The following APP variants were observed in gnomAD, a reference collection of about 807,000 sequenced individuals.
APP encodes amyloid beta precursor protein.
Under a neutral mutation model 101.4 loss-of-function variants are expected in APP, and 31 were observed. The ratio of observed to expected loss-of-function variants is 0.31; its 90% CI spans 0.23 to 0.41. The LOEUF is 0.41. Ranked by LOEUF, APP falls within the 10% of genes least tolerant of loss-of-function variation. APP has a pLI of 1.00. For synonymous variants in APP, 366 were observed against 364.4 expected (o/e 1.00, Z -0.05); for missense variants, 839 against 1,003.7 (o/e 0.84, Z 2.22).
At chr21:25,973,152 T>G (rs991907141) in intron 11 of APP, among the ~76,000 whole-genome samples, 1 of 147,450 alleles carries the variant, frequency 6.8e-6, no homozygotes, top group African/African-American at 2.5e-5. Context: ...CATAAAAAAT[T>G]TCTAATTAAT....
At chr21:26,148,997 G>C (rs1458255261) in intron 1 of APP, among the ~76,000 whole-genome samples, 1 of 152,160 alleles carries the variant, frequency 6.6e-6, no homozygotes, top group Non-Finnish European at 1.5e-5. Context: ...TTGGGATTGA[G>C]AAAAAGGGAA....
At chr21:26,112,392 A>C (rs2062348839) in intron 1 of APP, among the ~76,000 whole-genome samples, 1 of 152,210 alleles carries the variant, frequency 6.6e-6, no homozygotes. Flanking sequence ...AAAGGAATTT[A>C]TTCATGAAAA....
At chr21:25,986,716 CAAAT>C (rs1219800044) in intron 8 of APP, among the ~76,000 whole-genome samples, 1 of 151,906 alleles carries the variant, frequency 6.6e-6, no homozygotes, top group Non-Finnish European at 1.5e-5. Flanking sequence ...AACAAACAAA[CAAAT>C]AAATAAAGGC....
chr21:25,928,306 C>A (rs961083070), intron 13 of APP, among the ~76,000 whole-genome samples: 1 of 152,032 alleles, frequency 6.6e-6, no homozygotes, highest in African/African-American at 2.4e-5. Context: ...TGTGCCACTG[C>A]ACTCCAGCCT....
chr21:26,084,147 T>A (rs1272873278), intron 3 of APP, among the ~76,000 whole-genome samples: 1 of 151,128 alleles, frequency 6.6e-6, no homozygotes, highest in Non-Finnish European at 1.5e-5. Context: ...CCAATGCAAT[T>A]GAGGCAATTA....
chr21:26,053,578 T>A, intron 3 of APP: 1 of 432,152 alleles, frequency 2.3e-6, no homozygotes, highest in Non-Finnish European at 4.3e-6. Flanking sequence ...ATGCTGCAAG[T>A]GAAATTGTCC....
rs1406164284 is a variant in APP, at chr21:25,891,833, A to G, written c.2100T>C (p.Gly700=). The part of the protein sequence containing the change: ...FFAEDVGSNK[G]AIIGLMVGGV... ...CGCCCACCATGAGTCCAATGATTGC[A>G]CCTTTGTTTGAACCCACATCTTCTG... is the stretch of plus-strand genomic sequence containing the variant. The change falls in exon 17 of 18, where the codon GGT becomes GGC. Residue 700 remains glycine (G), a synonymous_variant. Transcript: ENST00000346798. 6.2e-7 allele frequency: 1 copy of G among 1,614,050 alleles called. No homozygotes were observed. The highest frequency in any genetic ancestry group is 2.2e-5 in the East Asian group (1 of 44,888).
At chr21:26,124,214 C>T (rs555302788) in intron 1 of APP, among the ~76,000 whole-genome samples, 2 of 151,954 alleles carry the variant, frequency 1.3e-5, no homozygotes, top group Admixed American at 1.3e-4. Flanking sequence ...AAATAAATTC[C>T]ACTTTAGATA....
chr21:26,118,709 C>T (rs983406789), intron 1 of APP, among the ~76,000 whole-genome samples: 4 of 152,064 alleles, frequency 2.6e-5, no homozygotes, highest in African/African-American at 4.8e-5. Flanking sequence ...TGCACCACTA[C>T]GCCTGGCTAA....
chr21:26,123,394 C>A (rs1305317396), intron 1 of APP, among the ~76,000 whole-genome samples: 1 of 152,168 alleles, frequency 6.6e-6, no homozygotes, highest in Admixed American at 6.5e-5. Flanking sequence ...GTTCATTGTT[C>A]AAATTGTATT....
At position 25,955,641 on chromosome 21, in the gene APP, G is replaced by C. The variant is rs1317063604; in HGVS notation, c.1573C>G (p.Gln525Glu). ...VRMVDPKKAAQIRSQVMTHLR... is the reference protein window; with the variant it reads ...VRMVDPKKAAEIRSQVMTHLR... ...CCCACGCTTACCTGGGACCGGATCT[G>C]AGCGGCTTTCTTGGGATCCACCATG... Residue 525 changes from glutamine to glutamate, a missense_variant, in exon 12 of 18, where the codon CAG becomes GAG. Physicochemically the swap from Gln to Glu is conservative, Grantham distance 29. Coordinates refer to ENST00000346798, the MANE Select transcript of APP (RefSeq NM_000484.4). The C allele has an allele frequency of 9.3e-6, 15 of 1,614,056 alleles. No individual in the cohort carries two copies. The highest frequency in any genetic ancestry group is 1.3e-5 in the Non-Finnish European group (15 of 1,180,036).
intron 16 of APP, among the ~76,000 whole-genome samples, chr21:25,896,500 A>AT (rs143829033): frequency 0.045 from 6,890 of 152,184 alleles, 221 homozygotes; most frequent in Non-Finnish European, 0.075. Context: ...TTTTCTTACC[A>AT]TTTTTCTGTC....
intron 3 of APP, among the ~76,000 whole-genome samples, chr21:26,072,159 A>C (rs2061422317): frequency 1.3e-5 from 2 of 152,256 alleles, no homozygotes; most frequent in African/African-American, 4.8e-5. Flanking sequence ...TATGTACAAA[A>C]GACATCTTTT....
intron 16 of APP, among the ~76,000 whole-genome samples, chr21:25,893,859 T>G (rs986948719): frequency 3.9e-5 from 6 of 152,172 alleles, no homozygotes; most frequent in African/African-American, 1.4e-4. Flanking sequence ...GAAACAGACT[T>G]ATTTGGAAGA....
chr21:26,167,523 T>A (rs1184611645), intron 1 of APP, among the ~76,000 whole-genome samples: 1 of 152,214 alleles, frequency 6.6e-6, no homozygotes, highest in Non-Finnish European at 1.5e-5. Context: ...ATAGCTATGC[T>A]TATTTCCAGA....
At chr21:26,113,317 T>C (rs1418054749) in intron 1 of APP, among the ~76,000 whole-genome samples, 2 of 152,204 alleles carry the variant, frequency 1.3e-5, no homozygotes, top group Admixed American at 6.5e-5. Context: ...AAACACCAAC[T>C]AAAATTGCAC....
intron 1 of APP, among the ~76,000 whole-genome samples, chr21:26,162,524 C>T (rs749441021): frequency 5.9e-5 from 9 of 151,920 alleles, no homozygotes; most frequent in Non-Finnish European, 1.0e-4. Context: ...AAAAACTAAA[C>T]AAATGAGTTT....
At chr21:25,932,976 TTTTA>T (rs1345631548) in intron 13 of APP, among the ~76,000 whole-genome samples, 2 of 152,230 alleles carry the variant, frequency 1.3e-5, no homozygotes, top group African/African-American at 4.8e-5. Flanking sequence ...ATTTTTAAAA[TTTTA>T]TTTTTTATTG....
chr21:25,918,461 CT>C (rs899610379), intron 13 of APP, among the ~76,000 whole-genome samples: 65 of 152,222 alleles, frequency 4.3e-4, no homozygotes, highest in Non-Finnish European at 5.4e-4. Context: ...GCATTTCCAT[CT>C]GAGATACCGG....
Sources: allele counts gnomAD v4.1 joint callset (sites outside exome capture counted in the v4.1 genomes callset), GRCh38; gene constraint gnomAD v4.1.1; transcripts MANE v1.5; gene names NCBI Gene and HGNC (gene_info 2026-07-23, HGNC 2026-07-21).